Variants in SCRT1 observed in about 807,000 individuals in gnomAD.
SCRT1 encodes transcriptional repressor scratch 1.
SCRT1 carries 1 observed loss-of-function variant against 3.4 expected under a neutral mutation model. That is an observed-to-expected ratio of 0.29 (90% confidence interval 0.10 to 1.39). The LOEUF (loss-of-function observed/expected upper bound fraction) is 1.39, where lower values mean the gene tolerates loss of function less well. Ranked by LOEUF, SCRT1 falls within the 40% of genes most tolerant of loss-of-function variation. SCRT1 has a pLI of 0.42. For missense variants in SCRT1, 380 were observed against 526.3 expected, an observed-to-expected ratio of 0.72 and a Z score of 2.72; for synonymous variants, 238 against 247.0, an observed-to-expected ratio of 0.96 and a Z score of 0.34.
In SCRT1 at chr8:144,333,081, G is replaced by A. The variant is rs1190196228; in HGVS notation, c.*104C>T. On this transcript the variant is annotated 3_prime_UTR_variant, in exon 2 of 2. Transcript: ENST00000569446. ...CGGGCCCCCCTCCCCCTATTGCTGTGAGGAGGGGCCCGCCCTCCGGCCCCT... is the reference window on the plus strand; with the variant it reads ...CGGGCCCCCCTCCCCCTATTGCTGTAAGGAGGGGCCCGCCCTCCGGCCCCT... The A allele has an allele frequency of 1.9e-6, 2 of 1,035,030 alleles. No homozygotes were observed. Among genetic ancestry groups the A allele is most frequent in the African/African-American group, 1.6e-5 (1 of 60,630 alleles). 64.1% of individuals were successfully genotyped at this position (1,035,030 alleles called of 1,614,324 possible).
rs1260158565 is a variant in SCRT1 at position 144,330,623 on chromosome 8, G to T, written c.*2562C>A. 1 of 152,258 alleles carries T rather than the reference G, an allele frequency of 6.6e-6. No homozygotes were observed. The highest frequency in any genetic ancestry group is 1.9e-4 in the East Asian group (1 of 5,188). 9.4% of individuals were successfully genotyped at this position (152,258 alleles called of 1,614,324 possible). ...AGGTGCGGTGCTCCGGGGAGCTGGT[G>T]CTATTGTGCTTAGGAAGGAGGTCTG... On this transcript the variant is annotated 3_prime_UTR_variant, in exon 2 of 2. Transcript: ENST00000569446.
At position 144,335,455 on chromosome 8, in the gene SCRT1, G is replaced by A. The variant is rs1817875127; in HGVS notation, c.115+600C>T. ...TTGAACTTGGGCACCCTTACACAAA[G>A]AGCCTCCCCCTGCCTCCCACACCTT... is the stretch of plus-strand genomic sequence containing the variant. On this transcript the variant is annotated intron_variant, in intron 1 of 1. Transcript: ENST00000569446. This position sits in a 1 kb window ranked among gnomAD's most constrained non-coding sequence, Gnocchi z 7.7. Among the ~76,000 whole-genome samples, 1 of 152,104 alleles carries A rather than the reference G, an allele frequency of 6.6e-6. No individual in the cohort carries two copies. Among genetic ancestry groups the A allele is most frequent in the South Asian group, 2.1e-4 (1 of 4,822 alleles).
chr8:144,333,759 C>A lies in SCRT1; in HGVS notation c.473G>T (p.Arg158Leu). The A allele has an allele frequency of 8.6e-7, 1 of 1,166,178 alleles. No individual in the cohort carries two copies. The highest frequency in any genetic ancestry group is 1.1e-6 in the Non-Finnish European group (1 of 946,518). The allele number at this position is 1,166,178 out of a possible 1,614,324, so 72.2% of individuals were successfully genotyped here. A position where few individuals can be genotyped will look rare whatever the true frequency, so the allele number is the denominator to read the frequency against. The change falls in exon 2 of 2, where the codon CGC becomes CTC. Residue 158 changes from arginine (R) to leucine (L), a missense_variant. By Grantham distance (102) the Arg-to-Leu change is moderately radical (BLOSUM62 -2). Around this residue, in one of 5 missense-constraint regions of SCRT1, gnomAD observed 115 missense variants for 107.3 expected, o/e 1.07. Coordinates refer to ENST00000569446, the MANE Select transcript of SCRT1 (RefSeq NM_031309.6). ...GCCCCCCGGCCCGGATCCCAAGCTG[C>A]GCCCGCCCGCCCCGCCCCCGCCTCC... is the stretch of plus-strand genomic sequence containing the variant. ...DAGGGGGAGG[R>L]SLGSGPGGRG...
rs1817875719 is a variant in SCRT1, at chr8:144,335,484, C to T, written c.115+571G>A. On this transcript the variant is annotated intron_variant, in intron 1 of 1. Coordinates refer to ENST00000569446, the MANE Select transcript of SCRT1 (RefSeq NM_031309.6). The surrounding 1 kb of genome is among the most constrained non-coding windows in gnomAD (Gnocchi z 7.7). ...CTCCCCCTGCCTCCCACACCTTGGGCGTCCCTTGCTCACAGCCTCCTCCCT... is the reference window on the plus strand; with the variant it reads ...CTCCCCCTGCCTCCCACACCTTGGGTGTCCCTTGCTCACAGCCTCCTCCCT... 6.6e-6 allele frequency among the ~76,000 whole-genome samples: 1 copy of T among 152,158 alleles called. No individual in the cohort carries two copies. Among genetic ancestry groups the T allele is most frequent in the Admixed American group, 6.5e-5 (1 of 15,268 alleles).
intron 1 of SCRT1, 41 bp from the exon 2 acceptor site, chr8:144,334,157 C>A: frequency 2.4e-6 from 1 of 414,642 alleles, no homozygotes. Context: ...GGGAATGGGG[C>A]GGCGGCAGGA....
Position 144,333,163 on chromosome 8 carries a change from G to A in SCRT1, c.*22C>T. On this transcript the variant is annotated 3_prime_UTR_variant, in exon 2 of 2. Transcript: ENST00000569446. ...GGGCCGTATTGCTGAGAGCCGACCT[G>A]GCTGGGGGAGGCCCCGCCGCCCTAG... is the stretch of plus-strand genomic sequence containing the variant. 2.0e-6 allele frequency: 3 copies of A among 1,483,872 alleles called. No homozygotes were observed. The highest frequency in any genetic ancestry group is 4.0e-4 in the Middle Eastern group (2 of 5,000). 91.9% of individuals were successfully genotyped at this position (1,483,872 alleles called of 1,614,324 possible).
rs782086585 is a variant in SCRT1 at position 144,333,829 on chromosome 8, C to G, written c.403G>C (p.Ala135Pro). 1.6e-6 allele frequency: 2 copies of G among 1,230,658 alleles called. No individual in the cohort carries two copies. The highest frequency in any genetic ancestry group is 2.0e-6 in the Non-Finnish European group (2 of 987,068). 76.2% of individuals were successfully genotyped at this position (1,230,658 alleles called of 1,614,324 possible). A position where few individuals can be genotyped will look rare whatever the true frequency, so the allele number is the denominator to read the frequency against. The part of the protein sequence containing the change: ...RRKASNAGAA[A>P]APSTASAAAP... ...GCCGCCGAGGCTGTGGAGGGAGCGG[C>G]GGCAGCGCCGGCATTGGAAGCCTTA... Residue 135 changes from alanine (A) to proline (P), a missense_variant, in exon 2 of 2, where the codon GCC becomes CCC. Ala to Pro is a conservative substitution (Grantham distance 27). Coordinates refer to ENST00000569446, the MANE Select transcript of SCRT1 (RefSeq NM_031309.6).
rs781913285 is a variant in SCRT1 at position 144,336,131 on chromosome 8, G to A, written c.39C>T (p.Asp13=). Residue 13 remains aspartate, a synonymous_variant, in exon 1 of 2, where the codon GAC becomes GAT. Coordinates refer to ENST00000569446, the MANE Select transcript of SCRT1 (RefSeq NM_031309.6). The surrounding 1 kb of genome is among the most constrained non-coding windows in gnomAD (Gnocchi z 6.8). ...RSFLVKKVKL[D]AFSSADLESA... Reference sequence around the variant, plus strand: ...TCTCCAGGTCGGCCGAAGAGAACGCGTCAAGTTTGACCTTCTTGACCAGGA... The same window carrying A: ...TCTCCAGGTCGGCCGAAGAGAACGCATCAAGTTTGACCTTCTTGACCAGGA... The A allele has an allele frequency of 1.9e-6, 3 of 1,610,282 alleles. No homozygotes were observed. The Admixed American group carries it at 5.0e-5, about 27-fold the overall frequency.
At position 144,336,478 on chromosome 8, in the gene SCRT1, G is replaced by A. The variant is rs1817892496; in HGVS notation, c.-309C>T. On this transcript the variant is annotated 5_prime_UTR_variant, in exon 1 of 2. Transcript: ENST00000569446. The surrounding 1 kb of genome is among the most constrained non-coding windows in gnomAD (Gnocchi z 6.8). ...TCCTCTGGTCCCGGCTTCCCAGCCC[G>A]CAGTGCCGCCCCTGGACAGGCGGGG... Among the ~76,000 whole-genome samples, 2 of 151,222 alleles carry A rather than the reference G, an allele frequency of 1.3e-5. No individual in the cohort carries two copies. The highest frequency in any genetic ancestry group is 2.4e-5 in the African/African-American group (1 of 41,112).
rs553178675 is a variant in SCRT1 at position 144,332,072 on chromosome 8, G to A, written c.*1113C>T. The A allele has an allele frequency of 5.9e-5, 9 of 152,018 alleles. No individual in the cohort carries two copies. In the East Asian group the frequency reaches 1.8e-3, roughly 30 times the overall value. The allele number at this position is 152,018 out of a possible 1,614,324, so 9.4% of individuals were successfully genotyped here. On this transcript the variant is annotated 3_prime_UTR_variant, in exon 2 of 2. Transcript: ENST00000569446. ...TCAGGGGCGGGGCCTGGGTCTCAGG[G>A]GAGGGGCCTGCCTCGGAGAGGCGGG...
intron 1 of SCRT1, among the ~76,000 whole-genome samples, chr8:144,334,468 C>T: frequency 6.8e-6 from 1 of 146,170 alleles, no homozygotes; most frequent in Non-Finnish European, 1.5e-5. Flanking sequence ...CCCTCTCCCT[C>T]CTCCCCCACC....
chr8:144,333,057 G>A lies in SCRT1; in HGVS notation c.*128C>T, dbSNP rs1382847725. The A allele has an allele frequency of 6.1e-6, 5 of 817,068 alleles. No individual in the cohort carries two copies. The highest frequency in any genetic ancestry group is 4.1e-5 in the South Asian group (2 of 48,942). 50.6% of individuals were successfully genotyped at this position (817,068 alleles called of 1,614,324 possible). ...CTGGCGGGCGGGGCGGGGTGGGACCGGGCCCCCCTCCCCCTATTGCTGTGA... is the reference window on the plus strand; with the variant it reads ...CTGGCGGGCGGGGCGGGGTGGGACCAGGCCCCCCTCCCCCTATTGCTGTGA... On this transcript the variant is annotated 3_prime_UTR_variant, in exon 2 of 2. Transcript: ENST00000569446.
Position 144,333,873 on chromosome 8 carries a change from GTGA to G in SCRT1, c.356_358del (p.Ile119del). ...AGCCTTACGCCGCGAGCGCCCGTCG[GTGA>G]TGAAGAAGGCGTCCGCCGCGTAGCC... On this transcript the variant is annotated inframe_deletion, in exon 2 of 2. Coordinates refer to ENST00000569446, the MANE Select transcript of SCRT1 (RefSeq NM_031309.6). 7.8e-7 allele frequency: 1 copy of G among 1,276,940 alleles called. No homozygotes were observed. The highest frequency in any genetic ancestry group is 2.5e-5 in the South Asian group (1 of 39,402). The allele number at this position is 1,276,940 out of a possible 1,614,324, so 79.1% of individuals were successfully genotyped here.
rs1817889805 is a variant in SCRT1, at chr8:144,336,373, CCTT to C, written c.-207_-205del. On this transcript the variant is annotated 5_prime_UTR_variant, in exon 1 of 2. Coordinates refer to ENST00000569446, the MANE Select transcript of SCRT1 (RefSeq NM_031309.6). The surrounding 1 kb of genome is among the most constrained non-coding windows in gnomAD (Gnocchi z 6.8). ...GCCCCTCCGGATCCCTCTTCTTCCT[CCTT>C]CCTTCAATCCTTCCTTCCTTCCTTC... is the stretch of plus-strand genomic sequence containing the variant. 2.0e-6 allele frequency: 1 copy of C among 506,952 alleles called. No homozygotes were observed. Among genetic ancestry groups the C allele is most frequent in the Non-Finnish European group, 3.5e-6 (1 of 284,330 alleles). The allele number at this position is 506,952 out of a possible 1,614,324, so 31.4% of individuals were successfully genotyped here.
At position 144,333,657 on chromosome 8, in the gene SCRT1, G is replaced by C. The variant is rs1230576729; in HGVS notation, c.575C>G (p.Ala192Gly). 3 of 1,556,914 alleles carry C rather than the reference G, an allele frequency of 1.9e-6. No homozygotes were observed. The highest frequency in any genetic ancestry group is 2.6e-6 in the Non-Finnish European group (3 of 1,159,226). ...PGAAGAGGRH[A>G]CGECGKTYAT... Reference sequence around the variant, plus strand: ...GTATGTTTTGCCGCACTCGCCGCACGCGTGCCGGCCGCCAGCACCTGCGGC... The same window carrying C: ...GTATGTTTTGCCGCACTCGCCGCACCCGTGCCGGCCGCCAGCACCTGCGGC... The change falls in exon 2 of 2, where the codon GCG (alanine) becomes GGG (glycine). Residue 192 changes from alanine to glycine, a missense_variant. Ala to Gly is a moderately conservative substitution (Grantham distance 60). Around this residue, in one of 5 missense-constraint regions of SCRT1, gnomAD observed 56 missense variants for 169.3 expected, o/e 0.33. Coordinates refer to ENST00000569446, the MANE Select transcript of SCRT1 (RefSeq NM_031309.6).
Position 144,333,320 on chromosome 8 carries a change from G to T in SCRT1, c.912C>A (p.Phe304Leu). 6.2e-7 allele frequency: 1 copy of T among 1,612,864 alleles called. No homozygotes were observed. The highest frequency in any genetic ancestry group is 8.5e-7 in the Non-Finnish European group (1 of 1,179,744). Reference protein sequence around the residue: ...HMQTHSAFKHFQCKRCKKSFA... With the variant: ...HMQTHSAFKHLQCKRCKKSFA... ...AGCTCTTCTTGCAGCGCTTGCACTG[G>T]AAGTGCTTGAAGGCCGAATGCGTCT... Residue 304 changes from phenylalanine (F) to leucine (L), a missense_variant, in exon 2 of 2, where the codon TTC (phenylalanine) becomes TTA (leucine). Transcript: ENST00000569446.
intron 1 of SCRT1, among the ~76,000 whole-genome samples, chr8:144,334,683 C>T (rs1817860063): frequency 6.6e-6 from 1 of 152,012 alleles, no homozygotes; most frequent in Non-Finnish European, 1.5e-5. Flanking sequence ...CCTTCTGGTT[C>T]CTCCAACAAG....
At chr8:144,334,355 C>T (rs557019569) in intron 1 of SCRT1, among the ~76,000 whole-genome samples, 4 of 152,042 alleles carry the variant, frequency 2.6e-5, no homozygotes, top group African/African-American at 7.2e-5. Context: ...CACGCTCCGC[C>T]CCCGCCGCCC....
intron 1 of SCRT1, 133 bp from the exon 2 acceptor site, chr8:144,334,249 G>C: frequency 3.0e-6 from 2 of 671,196 alleles, no homozygotes; most frequent in Non-Finnish European, 2.4e-6. Context: ...ACAGGGAGGA[G>C]GACAAAGGAG....
Sources: allele counts gnomAD v4.1 joint callset (sites outside exome capture counted in the v4.1 genomes callset), GRCh38; gene constraint gnomAD v4.1.1; regional missense constraint gnomAD v4.1.1; non-coding constraint Gnocchi (gnomAD v3.1); transcripts MANE v1.5; gene names NCBI Gene and HGNC (gene_info 2026-07-23, HGNC 2026-07-21).